MDGA1: variants seen among roughly 807,000 people sequenced by gnomAD.
MDGA1 encodes the protein MAM domain-containing glycosylphosphatidylinositol anchor protein 1.
A neutral mutation model predicts 101.5 loss-of-function variants in MDGA1; 54 were observed. The observed-to-expected ratio is 0.53, with a 90% CI of 0.43 to 0.67. The LOEUF (loss-of-function observed/expected upper bound fraction) is 0.67. MDGA1 is among the 30% of genes least tolerant of loss of function. The probability of loss-of-function intolerance (pLI) is 0.00; values close to 1 mark genes in which losing one functional copy is unlikely to be tolerated. For synonymous variants in MDGA1, 533 were observed against 558.3 expected (o/e 0.95, Z 0.64); for missense variants, 1,083 against 1,323.8 (o/e 0.82, Z 2.82).
At chr6:37,637,494 C>T in intron 16 of MDGA1, 35 bp from the exon 17 acceptor site, 1 of 1,575,900 alleles carries the variant, frequency 6.3e-7, no homozygotes, top group Non-Finnish European at 8.7e-7. Flanking sequence ...CAGGCCAGGG[C>T]TCTGGTCAGC....
intron 1 of MDGA1, among the ~76,000 whole-genome samples, chr6:37,686,637 G>T (rs1284571804): frequency 6.6e-6 from 1 of 152,034 alleles, no homozygotes; most frequent in Non-Finnish European, 1.5e-5. Context: ...ATGTTGCCCA[G>T]GCTGGTCTCA....
intron 14 of MDGA1, chr6:37,639,445 C>G (rs1047307203): frequency 6.6e-6 from 1 of 152,392 alleles, no homozygotes; most frequent in Admixed American, 6.5e-5. Context: ...CATGTTACCC[C>G]CTCTGCTCAG....
At chr6:37,667,101 T>C (rs1266521956) in intron 1 of MDGA1, among the ~76,000 whole-genome samples, 1 of 152,158 alleles carries the variant, frequency 6.6e-6, no homozygotes, top group Non-Finnish European at 1.5e-5. Flanking sequence ...GGGACAGACA[T>C]GAACTAATCA....
rs543138869 is a variant in MDGA1, at chr6:37,642,257, G to A, written c.2536+1552C>T. Reference sequence around the variant, plus strand: ...TGCAGTGGCGTGATCTCGGCTCACGGCAACCTCCACCTCCTGGGTTCAAGC... The same window carrying A: ...TGCAGTGGCGTGATCTCGGCTCACGACAACCTCCACCTCCTGGGTTCAAGC... On this transcript the variant is annotated intron_variant, in intron 14 of 16. Transcript: ENST00000434837. Among the ~76,000 whole-genome samples the A allele has an allele frequency of 4.0e-5, 6 of 149,234 alleles. 1 individual carries two copies. In the South Asian group the frequency reaches 1.3e-3, roughly 32 times the overall value.
intron 1 of MDGA1, among the ~76,000 whole-genome samples, chr6:37,687,400 T>TAAA (rs549945070): frequency 0.047 from 6,079 of 128,830 alleles, 166 homozygotes; most frequent in African/African-American, 0.067. Flanking sequence ...TACTAAAAAT[T>TAAA]AAAAAAAAAA....
chr6:37,667,022 G>T (rs1761770089), intron 1 of MDGA1, among the ~76,000 whole-genome samples: 2 of 152,162 alleles, frequency 1.3e-5, no homozygotes, highest in African/African-American at 4.8e-5. Context: ...CAGGATAAAT[G>T]AAAAATGCTT....
intron 1 of MDGA1, among the ~76,000 whole-genome samples, chr6:37,669,699 C>G (rs1233996191): frequency 6.6e-6 from 1 of 152,208 alleles, no homozygotes; most frequent in Non-Finnish European, 1.5e-5. Context: ...CTGCCTGCAG[C>G]AGCATCTCCT....
At chr6:37,647,692 T>C (rs1761242971) in intron 9 of MDGA1, among the ~76,000 whole-genome samples, 1 of 148,694 alleles carries the variant, frequency 6.7e-6, no homozygotes, top group Non-Finnish European at 1.5e-5. Context: ...GAGTCAGGGA[T>C]ATTGGGAGGA....
intron 1 of MDGA1, among the ~76,000 whole-genome samples, chr6:37,679,967 A>G (rs903848300): frequency 6.6e-6 from 1 of 152,090 alleles, no homozygotes; most frequent in Non-Finnish European, 1.5e-5. Context: ...CACCTGAGCG[A>G]GAGATGGTTA....
chr6:37,682,278 A>G (rs985894156), intron 1 of MDGA1, among the ~76,000 whole-genome samples: 8 of 152,214 alleles, frequency 5.3e-5, no homozygotes, highest in Non-Finnish European at 1.0e-4. Flanking sequence ...TGAGGTCAGG[A>G]GTGCAAGACC....
rs939383378 is a variant in MDGA1 at position 37,633,186 on chromosome 6, C to G, written c.*4182G>C. 3.3e-5 allele frequency: 5 copies of G among 150,574 alleles called. No homozygotes were observed. The highest frequency in any genetic ancestry group is 5.9e-5 in the Non-Finnish European group (4 of 67,882). 9.3% of individuals were successfully genotyped at this position (150,574 alleles called of 1,614,324 possible). ...AAAGAGTGGTCCTTCTGCCCCAACACACACACACACACACACAAACACACG... is the reference window on the plus strand; with the variant it reads ...AAAGAGTGGTCCTTCTGCCCCAACAGACACACACACACACACAAACACACG... On this transcript the variant is annotated 3_prime_UTR_variant, in exon 17 of 17. Coordinates refer to ENST00000434837, the MANE Select transcript of MDGA1 (RefSeq NM_153487.4).
At position 37,654,533 on chromosome 6, in the gene MDGA1, G is replaced by A. The variant is rs1426261730; in HGVS notation, c.723C>T (p.Ala241=). ...FRLTNTTAPP[A]LKLSVNETLV... ...GAGTTTCGTTCACAGACAGCTTCAGGGCTGGTGGTGCTAAGAGGACAAGGA... is the reference window on the plus strand; with the variant it reads ...GAGTTTCGTTCACAGACAGCTTCAGAGCTGGTGGTGCTAAGAGGACAAGGA... The change falls in exon 6 of 17, where the codon GCC becomes GCT. Residue 241 remains alanine (A), a synonymous_variant. Transcript: ENST00000434837. 2 of 1,613,886 alleles carry A rather than the reference G, an allele frequency of 1.2e-6. No individual in the cohort carries two copies. The highest frequency in any genetic ancestry group is 1.7e-6 in the Non-Finnish European group (2 of 1,179,908).
intron 1 of MDGA1, among the ~76,000 whole-genome samples, chr6:37,692,086 T>C (rs764649270): frequency 6.6e-6 from 1 of 152,152 alleles, no homozygotes; most frequent in Non-Finnish European, 1.5e-5. Flanking sequence ...AAGGAACCCT[T>C]TTCAGCCCCA....
intron 1 of MDGA1, among the ~76,000 whole-genome samples, chr6:37,677,674 T>G (rs1232400557): frequency 7.2e-6 from 1 of 138,148 alleles, no homozygotes; most frequent in East Asian, 2.4e-4. Flanking sequence ...TCATTGGGCT[T>G]CTTTTTTTTC....
chr6:37,692,220 T>C (rs1270250598), intron 1 of MDGA1, among the ~76,000 whole-genome samples: 3 of 152,202 alleles, frequency 2.0e-5, no homozygotes, highest in African/African-American at 7.2e-5. Context: ...CGGCAGCAGC[T>C]GCCGCACAGG....
intron 2 of MDGA1, among the ~76,000 whole-genome samples, chr6:37,659,776 C>G (rs1389003745): frequency 6.6e-6 from 1 of 152,110 alleles, no homozygotes; most frequent in Non-Finnish European, 1.5e-5. Flanking sequence ...TTGACTCTAC[C>G]CTCATGGAGC....
At position 37,696,709 on chromosome 6, in the gene MDGA1, G is replaced by C; in HGVS notation, c.67+36C>G. 1 of 1,554,186 alleles carries C rather than the reference G, an allele frequency of 6.4e-7. No individual in the cohort carries two copies. Among genetic ancestry groups the C allele is most frequent in the South Asian group, 1.2e-5 (1 of 84,466 alleles). On this transcript the variant is annotated intron_variant, in intron 1 of 16. Coordinates refer to ENST00000434837, the MANE Select transcript of MDGA1 (RefSeq NM_153487.4). The surrounding 1 kb of genome is among the most constrained non-coding windows in gnomAD (Gnocchi z 5.6). ...CGCCTCTTGCAAAGTTTCCGCGCGA[G>C]GTTAAGCCAAGGTGGAGCGGGACGC...
Position 37,650,244 on chromosome 6 carries a change from C to G in MDGA1, c.1474G>C (p.Glu492Gln), listed in dbSNP as rs1423704217. 5 of 1,610,620 alleles carry G rather than the reference C, an allele frequency of 3.1e-6. No homozygotes were observed. Among genetic ancestry groups the G allele is most frequent in the Admixed American group, 1.7e-5 (1 of 59,834 alleles). Reference sequence around the variant, plus strand: ...CGCAGCTTCCCGTCCGGAGTCTCCTCCAGGGGCAGCCCCGAGGGCAGCAGT... The same window carrying G: ...CGCAGCTTCCCGTCCGGAGTCTCCTGCAGGGGCAGCCCCGAGGGCAGCAGT... ...AALLPSGLPL[E>Q]ETPDGKLRLE... Residue 492 changes from glutamate (E) to glutamine (Q), a missense_variant, in exon 8 of 17, where the codon GAG (glutamate) becomes CAG (glutamine). Glu to Gln is a conservative substitution (Grantham distance 29). This residue lies in a region of MDGA1 where 657 missense variants were observed against 771.4 expected (regional missense o/e 0.85). Coordinates refer to ENST00000434837, the MANE Select transcript of MDGA1 (RefSeq NM_153487.4).
At chr6:37,643,720 A>G in intron 14 of MDGA1, 89 bp downstream of exon 14, 1 of 1,556,266 alleles carries the variant, frequency 6.4e-7, no homozygotes. Context: ...GAGGCCTCAC[A>G]TGGGCCAGCC....
Sources: allele counts gnomAD v4.1 joint callset (sites outside exome capture counted in the v4.1 genomes callset), GRCh38; gene constraint gnomAD v4.1.1; regional missense constraint gnomAD v4.1.1; non-coding constraint Gnocchi (gnomAD v3.1); transcripts MANE v1.5; gene names NCBI Gene and HGNC (gene_info 2026-07-23, HGNC 2026-07-21).